The following WSB1 variants were observed in gnomAD, a reference collection of about 807,000 sequenced individuals.
The protein encoded by WSB1 is WD repeat and SOCS box-containing protein 1.
Under a neutral mutation model 50.2 loss-of-function variants are expected in WSB1, and 23 were observed. That is an observed-to-expected ratio of 0.46 (90% confidence interval 0.33 to 0.65). WSB1 has a LOEUF of 0.65. Among genes scored for constraint, WSB1 ranks in the 30% least tolerant of loss-of-function variants. The pLI is 0.02. For missense variants in WSB1, 492 were observed against 522.3 expected, an observed-to-expected ratio of 0.94 and a Z score of 0.56; for synonymous variants, 179 against 172.0, an observed-to-expected ratio of 1.04 and a Z score of -0.32.
intron 7 of WSB1, 27 bp downstream of exon 7, chr17:27,310,201 G>T: frequency 1.3e-6 from 2 of 1,595,334 alleles, no homozygotes; most frequent in South Asian, 2.2e-5. Context: ...TAGCTTGACT[G>T]ACTTACTATT....
At chr17:27,309,070 G>A in intron 5 of WSB1, 30 bp from the exon 6 acceptor site, 1 of 1,568,946 alleles carries the variant, frequency 6.4e-7, no homozygotes, top group South Asian at 1.2e-5. Flanking sequence ...ATGTCTGAAT[G>A]AAGCTATAAC....
intron 5 of WSB1, chr17:27,307,539 T>G (rs541513443): frequency 2.3e-4 from 130 of 573,512 alleles, no homozygotes; most frequent in Non-Finnish European, 3.6e-4. Context: ...ACAATACACT[T>G]TGAATTAATG....
intron 1 of WSB1, among the ~76,000 whole-genome samples, chr17:27,299,866 T>G (rs1165600067): frequency 1.3e-5 from 2 of 151,474 alleles, no homozygotes; most frequent in Admixed American, 6.6e-5. Flanking sequence ...GTGGGTAGAG[T>G]GGTAGGAGGA....
chr17:27,295,468 G>C (rs2016916560), intron 1 of WSB1, among the ~76,000 whole-genome samples: 1 of 151,996 alleles, frequency 6.6e-6, no homozygotes, highest in South Asian at 2.1e-4. Flanking sequence ...TTAGAATTCT[G>C]GACTTTTGTT....
intron 1 of WSB1, among the ~76,000 whole-genome samples, chr17:27,294,955 G>C (rs2016891934): frequency 6.6e-6 from 1 of 152,202 alleles, no homozygotes; most frequent in Admixed American, 6.5e-5. Context: ...CAGCGGTTCG[G>C]GGGAGGAGAC....
In WSB1 at chr17:27,309,337, T is replaced by TACG. The variant is rs888342129; in HGVS notation, c.884+67_884+68insGAC. 35 of 1,300,740 alleles carry TACG rather than the reference T, an allele frequency of 2.7e-5. No homozygotes were observed. The African/African-American group carries it at 4.9e-4, about 18-fold the overall frequency. 80.6% of individuals were successfully genotyped at this position (1,300,740 alleles called of 1,614,324 possible). A position where few individuals can be genotyped will look rare whatever the true frequency, so the allele number is the denominator to read the frequency against. On this transcript the variant is annotated intron_variant, in intron 6 of 8. Coordinates refer to ENST00000262394, the MANE Select transcript of WSB1 (RefSeq NM_015626.10). The stretch of plus-strand genomic sequence containing the variant: ...CCACCTATCAAGTTATGTGAATAAT[T>TACG]ACAATCACCAATATATGCAACCTAA...
intron 8 of WSB1, 83 bp from the exon 9 acceptor site, chr17:27,312,127 T>TA: frequency 6.6e-7 from 1 of 1,520,734 alleles, no homozygotes; most frequent in Non-Finnish European, 8.8e-7. Context: ...TACTCACATG[T>TA]ATTGGGTGAT....
At chr17:27,294,861 TTAGA>T (rs1044572178) in intron 1 of WSB1, among the ~76,000 whole-genome samples, 94 of 152,190 alleles carry the variant, frequency 6.2e-4, no homozygotes, top group African/African-American at 2.1e-3. Context: ...CCAACCACTC[TTAGA>T]TAGAAATGAG....
At chr17:27,301,051 T>TAA (rs2017207450) in intron 1 of WSB1, among the ~76,000 whole-genome samples, 3 of 152,134 alleles carry the variant, frequency 2.0e-5, no homozygotes, top group Middle Eastern at 3.2e-3. Context: ...TTTGTATTTT[T>TAA]AGTAGAGACA....
At chr17:27,309,931 A>G (rs1361819690) in intron 6 of WSB1, 130 bp from the exon 7 acceptor site, 5 of 687,122 alleles carry the variant, frequency 7.3e-6, no homozygotes, top group African/African-American at 7.2e-5. Flanking sequence ...TATCATCTCT[A>G]CTGAGTCTTC....
At position 27,294,388 on chromosome 17, in the gene WSB1, C is replaced by G. The variant is rs368119754; in HGVS notation, c.-8C>G. 16 of 1,613,348 alleles carry G rather than the reference C, an allele frequency of 9.9e-6. No homozygotes were observed. The highest frequency in any genetic ancestry group is 1.4e-5 in the Non-Finnish European group (16 of 1,179,590). On this transcript the variant is annotated 5_prime_UTR_variant, in exon 1 of 9. Coordinates refer to ENST00000262394, the MANE Select transcript of WSB1 (RefSeq NM_015626.10). ...ATCGTATTCCCGGAATCAGACGGTG[C>G]CCCATAGATGGCCAGCTTTCCCCCG...
intron 1 of WSB1, 62 bp downstream of exon 1, chr17:27,294,497 G>A: frequency 2.5e-6 from 4 of 1,596,222 alleles, no homozygotes; most frequent in Non-Finnish European, 3.4e-6. Context: ...CTCCCCGGAG[G>A]AGGTTTGGGA....
In WSB1 at chr17:27,303,362, T is replaced by C. The variant is rs2270761; in HGVS notation, c.210-5T>C. The C allele has an allele frequency of 0.44, 704,392 of 1,612,062 alleles. 161,453 individuals carry two copies. Among genetic ancestry groups the C allele is most frequent in the African/African-American group, 0.81 (60,704 of 74,900 alleles). On this transcript the variant is annotated splice_region_variant and splice_polypyrimidine_tract_variant and intron_variant, in intron 2 of 8. Transcript: ENST00000262394. ...ACAATTTCCATCTGACTTCCCCCAC[T>C]CCAGTCTCTTGCATGGCACCAAGAA...
chr17:27,307,928 C>T, intron 5 of WSB1: 3 of 1,249,700 alleles, frequency 2.4e-6, no homozygotes, highest in Non-Finnish European at 3.0e-6. Context: ...AGGTGCTGGT[C>T]GATGTCCACT....
At chr17:27,309,902 G>A (rs2150842380) in intron 6 of WSB1, among the ~76,000 whole-genome samples, 159 bp from the exon 7 acceptor site, 1 of 152,248 alleles carries the variant, frequency 6.6e-6, no homozygotes, top group South Asian at 2.1e-4. Flanking sequence ...GTTCTTTTCA[G>A]GTGACTTTAA....
chr17:27,312,278 G>A lies in WSB1; in HGVS notation c.1175G>A (p.Arg392His), dbSNP rs761388122. The A allele has an allele frequency of 6.8e-6, 11 of 1,614,000 alleles. No individual in the cohort carries two copies. Among genetic ancestry groups the A allele is most frequent in the East Asian group, 2.2e-5 (1 of 44,892 alleles). The change falls in exon 9 of 9, where the codon CGC becomes CAC. Residue 392 changes from arginine (R) to histidine (H), a missense_variant. Arg to His is a conservative substitution (Grantham distance 29, BLOSUM62 0). Transcript: ENST00000262394. ...GTCCCTAGCCTGCAACATTTATGTC[G>A]CATGTCAATCCGAAGAGTGATGCCC... ...RQVPSLQHLC[R>H]MSIRRVMPTQ...
chr17:27,302,410 C>CA (rs199646039), intron 2 of WSB1: 5,989 of 56,000 alleles, frequency 0.11, 516 homozygotes, highest in African/African-American at 0.26. Flanking sequence ...AATAATGTCT[C>CA]AAAAAAAAAA....
At position 27,313,372 on chromosome 17, in the gene WSB1, C is replaced by T. The variant is rs753701114; in HGVS notation, c.*1003C>T. 2.0e-5 allele frequency: 3 copies of T among 149,558 alleles called. No individual in the cohort carries two copies. Among genetic ancestry groups the T allele is most frequent in the Non-Finnish European group, 3.0e-5 (2 of 67,678 alleles). The allele number at this position is 149,558 out of a possible 1,614,324, so 9.3% of individuals were successfully genotyped here. On this transcript the variant is annotated 3_prime_UTR_variant, in exon 9 of 9. Transcript: ENST00000262394. ...TAAATTGTTGTGAATTTGAAGAATC[C>T]GTCTACTGTATTATTGCTAAATATT...
rs1348228619 is a variant in WSB1 at position 27,303,425 on chromosome 17, A to C, written c.268A>C (p.Asn90His). Residue 90 changes from asparagine (N) to histidine (H), a missense_variant, in exon 3 of 9, where the codon AAT becomes CAT. Transcript: ENST00000262394. ...NSSSLRLPRQ[N>H]SDGGQKNKPR... Reference sequence around the variant, plus strand: ...AAGCAGTTTAAGATTGCCAAGACAAAATAGTGATGGTGGTCAGAAAAATAA... The same window carrying C: ...AAGCAGTTTAAGATTGCCAAGACAACATAGTGATGGTGGTCAGAAAAATAA... 1.9e-6 allele frequency: 3 copies of C among 1,614,108 alleles called. No individual in the cohort carries two copies. The highest frequency in any genetic ancestry group is 4.5e-5 in the East Asian group (2 of 44,872).
Sources: allele counts gnomAD v4.1 joint callset (sites outside exome capture counted in the v4.1 genomes callset), GRCh38; gene constraint gnomAD v4.1.1; transcripts MANE v1.5; gene names NCBI Gene and HGNC (gene_info 2026-07-23, HGNC 2026-07-21).